The following KLF8 variants were observed in gnomAD, a reference collection of about 807,000 sequenced individuals.
The protein encoded by KLF8 is KLF transcription factor 8.
Under a neutral mutation model 18.2 loss-of-function variants are expected in KLF8, and 10 were observed. That is an observed-to-expected ratio of 0.55 (90% CI 0.34 to 0.93). The LOEUF (loss-of-function observed/expected upper bound fraction) is 0.93, where lower values mean the gene tolerates loss of function less well. Among genes scored for constraint, KLF8 ranks in the 40% least tolerant of loss-of-function variants. KLF8 has a pLI of 0.02. For synonymous variants in KLF8, 109 were observed against 97.3 expected (o/e 1.12, Z -0.71); for missense variants, 264 against 277.9 (o/e 0.95, Z 0.36).
chrX:56,130,155 C>T, the KLF8 span, among the ~76,000 whole-genome samples: 3 of 111,356 alleles, frequency 2.7e-5, no homozygotes, highest in Non-Finnish European at 5.7e-5. Context: ...TATACTACCA[C>T]AGCTAATGGT....
At chrX:55,912,420 T>C in the KLF8 span, among the ~76,000 whole-genome samples, 2 of 111,582 alleles carry the variant, frequency 1.8e-5, no homozygotes, top group African/African-American at 6.5e-5. Flanking sequence ...CCCATTCCCA[T>C]TCCCTACTGC....
At chrX:55,999,792 A>G in the KLF8 span, among the ~76,000 whole-genome samples, 13 of 111,401 alleles carry the variant, frequency 1.2e-4, no homozygotes, top group African/African-American at 2.6e-4. Context: ...TATCATTGGC[A>G]AAAAAAGATA....
At chrX:56,029,810 T>G in the KLF8 span, among the ~76,000 whole-genome samples, 4 of 111,919 alleles carry the variant, frequency 3.6e-5, no homozygotes, top group African/African-American at 1.3e-4. Context: ...CCCCTTTCCC[T>G]GTCCCTTCGT....
chrX:56,020,884 A>T, the KLF8 span, among the ~76,000 whole-genome samples: 1 of 111,986 alleles, frequency 8.9e-6, no homozygotes. Flanking sequence ...CACCATTCCA[A>T]TAACACAGAA....
At chrX:56,267,521 T>C (rs764328344) in intron 3 of KLF8, 1 of 110,724 alleles carries the variant, frequency 9.0e-6, no homozygotes, top group South Asian at 3.9e-4. Context: ...CATGTGGAAA[T>C]TCTGAGAGAT....
the KLF8 span, among the ~76,000 whole-genome samples, chrX:55,976,780 A>G: frequency 4.5e-5 from 5 of 111,621 alleles, no homozygotes; most frequent in Admixed American, 2.9e-4. Flanking sequence ...ATATCTTTCC[A>G]TTTATTTGTG....
the KLF8 span, among the ~76,000 whole-genome samples, chrX:56,185,120 CT>C: frequency 1.8e-5 from 2 of 111,973 alleles, no homozygotes; most frequent in African/African-American, 6.5e-5. Context: ...AAGTTAAAAA[CT>C]TTGAAAAAAA....
At chrX:56,222,913 C>T in the KLF8 span, among the ~76,000 whole-genome samples, 1 of 112,919 alleles carries the variant, frequency 8.9e-6, no homozygotes, top group South Asian at 3.6e-4. Context: ...TGTGCAGTCC[C>T]GGTTCCCGCC....
At chrX:56,116,704 C>G in the KLF8 span, among the ~76,000 whole-genome samples, 1 of 99,598 alleles carries the variant, frequency 1.0e-5, no homozygotes, top group Non-Finnish European at 2.0e-5. Context: ...ATTAACATAT[C>G]TATCACCTTA....
chrX:55,934,720 G>T, the KLF8 span, among the ~76,000 whole-genome samples: 1 of 112,137 alleles, frequency 8.9e-6, no homozygotes, highest in Non-Finnish European at 1.9e-5. Flanking sequence ...AATGTTATTC[G>T]TGCAAGGGAT....
chrX:56,016,269 G>A, the KLF8 span, among the ~76,000 whole-genome samples: 1 of 112,249 alleles, frequency 8.9e-6, no homozygotes, highest in Admixed American at 9.5e-5. Flanking sequence ...ATATAATATA[G>A]TGCCTGGCAC....
chrX:56,277,875 C>A (rs1193619159), intron 5 of KLF8, among the ~76,000 whole-genome samples: 3 of 112,590 alleles, frequency 2.7e-5, no homozygotes, highest in Non-Finnish European at 5.6e-5. Flanking sequence ...AGACACAGTT[C>A]TTCCTAGTCT....
At position 56,249,022 on chromosome X, in the gene KLF8, G is replaced by A. The variant is rs755486025; in HGVS notation, c.8-1209G>A. 5.3e-4 allele frequency among the ~76,000 whole-genome samples: 60 copies of A among 112,269 alleles called. 1 individual carries two copies. The highest frequency in any genetic ancestry group is 8.8e-4 in the Non-Finnish European group (47 of 53,228). On this transcript the variant is annotated intron_variant, in intron 1 of 5. Transcript: ENST00000468660. ...GGAATACATTAGTGAAAAAAACAAA[G>A]ATGAAAGTATCTGCCTGCAAGGAGC...
At chrX:56,161,656 A>G in the KLF8 span, among the ~76,000 whole-genome samples, 1 of 110,972 alleles carries the variant, frequency 9.0e-6, no homozygotes, top group Admixed American at 9.6e-5. Context: ...GGTTATTCTA[A>G]TTAGCCATTC....
At chrX:56,105,298 A>G in the KLF8 span, among the ~76,000 whole-genome samples, 1 of 111,242 alleles carries the variant, frequency 9.0e-6, no homozygotes, top group Non-Finnish European at 1.9e-5. Context: ...TGATCTGTCT[A>G]ATATTGTCAG....
the KLF8 span, among the ~76,000 whole-genome samples, chrX:56,195,962 A>G: frequency 8.9e-6 from 1 of 111,882 alleles, no homozygotes; most frequent in Admixed American, 9.6e-5. Flanking sequence ...TCAACCCAGA[A>G]TTACATATCC....
the KLF8 span, among the ~76,000 whole-genome samples, chrX:56,099,889 C>G: frequency 8.9e-6 from 1 of 112,184 alleles, no homozygotes; most frequent in Non-Finnish European, 1.9e-5. Context: ...GGTGAAGCAG[C>G]AAGTGCTGAT....
the KLF8 span, among the ~76,000 whole-genome samples, chrX:56,076,911 A>G: frequency 8.9e-6 from 1 of 111,763 alleles, no homozygotes; most frequent in Admixed American, 9.4e-5. Flanking sequence ...GCATTTTTTC[A>G]TGTGTTTTTT....
chrX:56,265,046 C>G, intron 2 of KLF8, 134 bp from the exon 3 acceptor site: 2 of 745,570 alleles, frequency 2.7e-6, no homozygotes. Context: ...TTAGTTTACT[C>G]CTGCCTTATT....
Sources: allele counts gnomAD v4.1 joint callset (sites outside exome capture counted in the v4.1 genomes callset), GRCh38; gene constraint gnomAD v4.1.1; transcripts MANE v1.5; gene names NCBI Gene and HGNC (gene_info 2026-07-23, HGNC 2026-07-21).